Variants in TOGARAM2 observed in about 807,000 individuals in gnomAD.
TOGARAM2 encodes TOG array regulator of axonemal microtubules protein 2.
Under a neutral mutation model 93.3 loss-of-function variants are expected in TOGARAM2, and 85 were observed. The ratio of observed to expected loss-of-function variants is 0.91; its 90% CI spans 0.76 to 1.09. TOGARAM2 has a LOEUF of 1.09. TOGARAM2 is among the 50% of genes least tolerant of loss of function. The pLI is 0.00. For synonymous variants in TOGARAM2, 593 were observed against 552.8 expected, an observed-to-expected ratio of 1.07 and a Z score of -1.02; for missense variants, 1,277 against 1,334.5, an observed-to-expected ratio of 0.96 and a Z score of 0.67.
rs187678220 is a variant in TOGARAM2, at chr2:28,974,156, C to T, written c.-147+17459C>T. On this transcript the variant is annotated intron_variant, in intron 1 of 6. Transcript: ENST00000401723. ...TTTTTTTTTTTTTCTGAGGCGAAGT[C>T]TCTCTCTGTCACCCAGGCTGGAGTG... Among the ~76,000 whole-genome samples the T allele has an allele frequency of 5.9e-3, 744 of 125,256 alleles. 1 individual carries two copies. The highest frequency in any genetic ancestry group is 8.5e-3 in the Non-Finnish European group (538 of 63,346). The allele number at this position is 125,256 out of a possible 152,430, so 82.2% of individuals were successfully genotyped here. A position where few individuals can be genotyped will look rare whatever the true frequency, so the allele number is the denominator to read the frequency against.
chr2:29,045,468 G>A, intron 19 of TOGARAM2, 58 bp downstream of exon 19: 1 of 1,440,272 alleles, frequency 6.9e-7, no homozygotes, highest in East Asian at 2.3e-5. Flanking sequence ...TTCTCTCCTG[G>A]TCTGTGGTTG....
intron 6 of TOGARAM2, among the ~76,000 whole-genome samples, chr2:29,007,766 G>A (rs565849147): frequency 1.9e-4 from 29 of 152,136 alleles, no homozygotes; most frequent in South Asian, 1.5e-3. Context: ...TCCAGCCCAC[G>A]ACCCCACAGT....
intron 18 of TOGARAM2, among the ~76,000 whole-genome samples, chr2:29,043,572 G>T (rs1270696501): frequency 6.6e-6 from 1 of 152,202 alleles, no homozygotes; most frequent in Non-Finnish European, 1.5e-5. Context: ...GGCTGCTGTG[G>T]TAACACCACA....
chr2:29,043,099 C>T (rs561549572), intron 18 of TOGARAM2, among the ~76,000 whole-genome samples: 1 of 152,318 alleles, frequency 6.6e-6, no homozygotes, highest in East Asian at 1.9e-4. Context: ...CAAATAGAAA[C>T]ACCTGGAAAC....
chr2:29,005,306 G>T (rs1673650340), intron 6 of TOGARAM2, among the ~76,000 whole-genome samples: 1 of 78,882 alleles, frequency 1.3e-5, no homozygotes, highest in African/African-American at 3.5e-5. Context: ...ATGTGTGTGT[G>T]TGGGGTATGT....
chr2:28,982,373 C>T (rs1034317886), intron 1 of TOGARAM2, among the ~76,000 whole-genome samples: 1 of 152,130 alleles, frequency 6.6e-6, no homozygotes, highest in Non-Finnish European at 1.5e-5. Flanking sequence ...GACTGGGGCC[C>T]GTACTCTGTC....
chr2:28,980,770 A>T (rs1454922880), upstream of TOGARAM2, among the ~76,000 whole-genome samples: 1 of 152,244 alleles, frequency 6.6e-6, no homozygotes, highest in East Asian at 1.9e-4. Flanking sequence ...GAGCCTACCA[A>T]GTGCTAGACA....
At chr2:29,021,207 C>T (rs192530999) in intron 10 of TOGARAM2, among the ~76,000 whole-genome samples, 1 of 152,314 alleles carries the variant, frequency 6.6e-6, no homozygotes, top group Admixed American at 6.5e-5. Context: ...AGCCACTGTG[C>T]CCGGCTGTGC....
intron 4 of TOGARAM2, among the ~76,000 whole-genome samples, chr2:29,000,882 AC>A (rs1673252619): frequency 6.6e-6 from 1 of 152,120 alleles, no homozygotes. Context: ...AGTAGGTACA[AC>A]TCCTAGAGCT....
At chr2:29,024,644 C>T (rs61561287) in intron 13 of TOGARAM2, among the ~76,000 whole-genome samples, 5 of 152,082 alleles carry the variant, frequency 3.3e-5, no homozygotes, top group African/African-American at 4.8e-5. Flanking sequence ...GCCGGGCATC[C>T]GGCTTCTCTC....
In TOGARAM2 at chr2:28,986,707, TA is replaced by T. The variant is rs148446252; in HGVS notation, c.-111+5170del. On this transcript the variant is annotated intron_variant, in intron 1 of 19. Coordinates refer to ENST00000379558, the MANE Select transcript of TOGARAM2 (RefSeq NM_199280.4). Reference sequence around the variant, plus strand: ...CTGTCCAGCCTCAGCCAGGCCTCTGTAGCTTCTTGGCCCAAAGGCTTTCAAA... The same window carrying T: ...CTGTCCAGCCTCAGCCAGGCCTCTGTGCTTCTTGGCCCAAAGGCTTTCAAA... Among the ~76,000 whole-genome samples the T allele has an allele frequency of 5.1e-3, 782 of 152,308 alleles. 7 individuals are homozygous for T. The highest frequency in any genetic ancestry group is 0.018 in the African/African-American group (740 of 41,558).
rs1672179421 is a variant in TOGARAM2 at position 28,981,299 on chromosome 2, T to A, written c.-350T>A. 1 of 152,294 alleles carries A rather than the reference T, an allele frequency of 6.6e-6. No individual in the cohort carries two copies. Among genetic ancestry groups the A allele is most frequent in the South Asian group, 2.1e-4 (1 of 4,836 alleles). The allele number at this position is 152,294 out of a possible 1,614,324, so 9.4% of individuals were successfully genotyped here. On this transcript the variant is annotated 5_prime_UTR_variant, in exon 1 of 20. Coordinates refer to ENST00000379558, the MANE Select transcript of TOGARAM2 (RefSeq NM_199280.4). ...AGCGAGTGGTTGCTATGCAGCCTTG[T>A]TTATTCAAGGAGAGCTTTGCTGAGA... is the stretch of plus-strand genomic sequence containing the variant.
At chr2:29,023,253 G>T (rs6734731) in intron 12 of TOGARAM2, 62 bp downstream of exon 12, 4 of 1,363,258 alleles carry the variant, frequency 2.9e-6, no homozygotes, top group African/African-American at 1.4e-5. Flanking sequence ...GATGCAGTCC[G>T]CTAGCAGCTG....
chr2:28,991,522 G>A (rs1056207126), intron 1 of TOGARAM2, among the ~76,000 whole-genome samples: 1 of 152,232 alleles, frequency 6.6e-6, no homozygotes, highest in African/African-American at 2.4e-5. Context: ...CTGAGGAGAT[G>A]AGAACTCTGG....
chr2:28,991,030 G>A (rs1204020625), intron 1 of TOGARAM2, among the ~76,000 whole-genome samples: 2 of 140,966 alleles, frequency 1.4e-5, no homozygotes, highest in East Asian at 5.2e-4. Context: ...GTGTGTGTGT[G>A]TGTGTGTGTG....
chr2:28,971,022 T>G (rs1308488053), intron 1 of TOGARAM2: 2 of 152,230 alleles, frequency 1.3e-5, no homozygotes, highest in African/African-American at 4.8e-5. Flanking sequence ...TGGGGAGCCC[T>G]GGCTCACAGC....
intron 1 of TOGARAM2, among the ~76,000 whole-genome samples, chr2:28,976,042 A>G (rs183150824): frequency 1.9e-3 from 285 of 152,228 alleles, no homozygotes; most frequent in African/African-American, 6.6e-3. Flanking sequence ...CATTTTACAC[A>G]TTTTCCTATT....
Position 29,052,044 on chromosome 2 carries a change from C to A in TOGARAM2, c.3011C>A (p.Ala1004Asp), listed in dbSNP as rs1471486333. ...CGCAAGGCCACTGACAGAGGGGTGG[C>A]CCCTGACAGCAAGACAACTGGCAGC... ...GSRKATDRGV[A>D]PDSKTTGSSY... The change falls in exon 20 of 20, where the codon GCC becomes GAC. Residue 1004 changes from alanine (A) to aspartate (D), a missense_variant. Coordinates refer to ENST00000379558, the MANE Select transcript of TOGARAM2 (RefSeq NM_199280.4). 6.2e-7 allele frequency: 1 copy of A among 1,606,882 alleles called. No homozygotes were observed. Among genetic ancestry groups the A allele is most frequent in the South Asian group, 1.1e-5 (1 of 90,816 alleles).
intron 19 of TOGARAM2, chr2:29,046,262 G>A (rs1393184784): frequency 6.6e-6 from 1 of 152,234 alleles, no homozygotes; most frequent in Non-Finnish European, 1.5e-5. Context: ...CTGTTCTTGT[G>A]GTCCTTGAGG....
Sources: allele counts gnomAD v4.1 joint callset (sites outside exome capture counted in the v4.1 genomes callset), GRCh38; gene constraint gnomAD v4.1.1; transcripts MANE v1.5; gene names NCBI Gene and HGNC (gene_info 2026-07-23, HGNC 2026-07-21).